The following SOX6 variants were observed in gnomAD, a reference collection of about 807,000 sequenced individuals.
SOX6 encodes transcription factor SOX-6.
SOX6 carries 11 observed loss-of-function variants against 97.8 expected under a neutral mutation model. The ratio of observed to expected loss-of-function variants is 0.11; its 90% CI spans 0.07 to 0.19. SOX6 has a LOEUF of 0.19. Among genes scored for constraint, SOX6 ranks in the 10% least tolerant of loss-of-function variants. The pLI, the probability that SOX6 is intolerant of heterozygous loss-of-function variation, is 1.00. For missense variants in SOX6, 810 were observed against 1,039.5 expected, an observed-to-expected ratio of 0.78 and a Z score of 3.04; for synonymous variants, 360 against 371.4, an observed-to-expected ratio of 0.97 and a Z score of 0.35.
intron 12 of SOX6, among the ~76,000 whole-genome samples, chr11:16,043,579 T>C (rs913124704): frequency 1.3e-5 from 2 of 152,178 alleles, no homozygotes; most frequent in Non-Finnish European, 2.9e-5. Context: ...TATGGACACA[T>C]ATATGATTCT....
chr11:16,598,650 A>T (rs1365166440), intron 4 of SOX6, among the ~76,000 whole-genome samples: 1 of 95,208 alleles, frequency 1.1e-5, no homozygotes, highest in Non-Finnish European at 2.3e-5. Flanking sequence ...TATGCTCTTT[A>T]AAAAAAAAAA....
At chr11:16,286,187 G>A (rs1377176186) in intron 3 of SOX6, among the ~76,000 whole-genome samples, 2 of 152,006 alleles carry the variant, frequency 1.3e-5, no homozygotes, top group African/African-American at 4.8e-5. Flanking sequence ...GATTTCCAGG[G>A]TCCACGGTGA....
In SOX6 at chr11:16,540,862, G is replaced by C. The variant is rs192726879; in HGVS notation, n.610-64474C>G. 3.7e-3 allele frequency among the ~76,000 whole-genome samples: 565 copies of C among 152,290 alleles called. 2 individuals are homozygous for C. Among genetic ancestry groups the C allele is most frequent in the African/African-American group, 0.012 (496 of 41,572 alleles). ...GAAGAACACTCCATGCTCATGGGTA[G>C]GAAGAATCAATATCGTGAAAATGGC... is the stretch of plus-strand genomic sequence containing the variant. On this transcript the variant is annotated intron_variant and non_coding_transcript_variant, in intron 4 of 5. Coordinates refer to the SOX6 transcript ENST00000524520.
chr11:16,706,611 G>C (rs1043250161), intron 3 of SOX6, among the ~76,000 whole-genome samples: 3 of 146,618 alleles, frequency 2.0e-5, no homozygotes, highest in African/African-American at 7.6e-5. Context: ...AAAATGAGAA[G>C]CAGAGAGGGG....
chr11:16,577,725 T>C (rs1847996516), intron 4 of SOX6, among the ~76,000 whole-genome samples: 1 of 152,208 alleles, frequency 6.6e-6, no homozygotes, highest in Admixed American at 6.5e-5. Context: ...TTGTAAATCG[T>C]ATTTGGAGAA....
At chr11:16,643,685 G>A (rs1461603046) in intron 3 of SOX6, among the ~76,000 whole-genome samples, 3 of 152,218 alleles carry the variant, frequency 2.0e-5, no homozygotes, top group East Asian at 1.9e-4. Context: ...CAATGAGTGA[G>A]GCTCCATGGG....
chr11:16,590,357 A>T (rs1372237860), intron 4 of SOX6, among the ~76,000 whole-genome samples: 1 of 152,182 alleles, frequency 6.6e-6, no homozygotes, highest in Non-Finnish European at 1.5e-5. Flanking sequence ...TTAAGAAAGA[A>T]AAATTTTTAA....
At chr11:16,006,139 G>A (rs1012593422) in intron 13 of SOX6, among the ~76,000 whole-genome samples, 1 of 151,942 alleles carries the variant, frequency 6.6e-6, no homozygotes, top group Non-Finnish European at 1.5e-5. Context: ...CACCTGCTAA[G>A]CTTTCTCATG....
intron 7 of SOX6, among the ~76,000 whole-genome samples, chr11:16,104,881 A>G (rs1437139777): frequency 6.6e-6 from 1 of 152,064 alleles, no homozygotes; most frequent in Admixed American, 6.6e-5. Context: ...ACAAGTAAAG[A>G]CAATGAATCA....
At chr11:16,128,302 A>G (rs1332925698) in intron 6 of SOX6, among the ~76,000 whole-genome samples, 1 of 152,218 alleles carries the variant, frequency 6.6e-6, no homozygotes, top group Admixed American at 6.5e-5. Context: ...TAAAAATGTA[A>G]TGATTATTTG....
At position 16,185,875 on chromosome 11, in the gene SOX6, C is replaced by G. The variant is rs553458056; in HGVS notation, c.708+908G>C. Among the ~76,000 whole-genome samples, 10 of 152,214 alleles carry G rather than the reference C, an allele frequency of 6.6e-5. No individual in the cohort carries two copies. In the South Asian group the frequency reaches 2.1e-3, roughly 32 times the overall value. ...CAAGCATATAAAATACCAGACATCACAACTCATTAAAATCAACAGAGCATA... is the reference window on the plus strand; with the variant it reads ...CAAGCATATAAAATACCAGACATCAGAACTCATTAAAATCAACAGAGCATA... On this transcript the variant is annotated intron_variant, in intron 5 of 15. Transcript: ENST00000683767.
chr11:16,443,649 T>G (rs952802032), intron 1 of SOX6, among the ~76,000 whole-genome samples: 7 of 152,170 alleles, frequency 4.6e-5, no homozygotes, highest in African/African-American at 1.4e-4. Flanking sequence ...TTGCTGGGGT[T>G]TGATGTACAA....
At chr11:16,601,735 A>G (rs570155798) in intron 4 of SOX6, among the ~76,000 whole-genome samples, 108 of 152,256 alleles carry the variant, frequency 7.1e-4, no homozygotes, top group African/African-American at 2.5e-3. Context: ...TATAAGATAG[A>G]CATGTGTAGC....
chr11:15,967,054 G>C lies in SOX6; in HGVS notation c.*5755C>G, dbSNP rs922468201. On this transcript the variant is annotated 3_prime_UTR_variant, in exon 16 of 16. Transcript: ENST00000683767. ...ACTGGACTGTACAAGATTTTTTTTT[G>C]ATAAACTATTTACATTTTCAGACTT... 8 of 151,708 alleles carry C rather than the reference G, an allele frequency of 5.3e-5. No individual in the cohort carries two copies. The highest frequency in any genetic ancestry group is 1.9e-4 in the African/African-American group (8 of 41,280). 9.4% of individuals were successfully genotyped at this position (151,708 alleles called of 1,614,324 possible).
Position 16,320,431 on chromosome 11 carries a change from A to T in SOX6, c.238-1778T>A, listed in dbSNP as rs147550030. On this transcript the variant is annotated intron_variant, in intron 2 of 15. Transcript: ENST00000683767. ...ATGACATAATAATTGTACTCAACAA[A>T]TGCTAGGTATTTCGGATTATTGTCA... 5.9e-5 allele frequency among the ~76,000 whole-genome samples: 9 copies of T among 152,278 alleles called. No homozygotes were observed. In the East Asian group the frequency reaches 1.7e-3, roughly 29 times the overall value.
chr11:16,311,894 GAAAT>G (rs1040539165), intron 3 of SOX6: 1 of 152,066 alleles, frequency 6.6e-6, no homozygotes, highest in Non-Finnish European at 1.5e-5. Context: ...AATATATGTA[GAAAT>G]ACAAATGATT....
intron 4 of SOX6, among the ~76,000 whole-genome samples, chr11:16,504,146 T>C (rs1860749415): frequency 2.6e-5 from 4 of 151,962 alleles, no homozygotes; most frequent in South Asian, 2.1e-4. Flanking sequence ...AAAGCAAATA[T>C]GAATAGATCT....
chr11:16,225,519 T>C (rs923052489), intron 4 of SOX6, among the ~76,000 whole-genome samples: 5 of 146,752 alleles, frequency 3.4e-5, no homozygotes, highest in Non-Finnish European at 6.0e-5. Flanking sequence ...GAAAAGGCAA[T>C]GCATGGAATA....
intron 13 of SOX6, among the ~76,000 whole-genome samples, chr11:16,003,680 C>T (rs1230979859): frequency 6.6e-6 from 1 of 151,978 alleles, no homozygotes; most frequent in Non-Finnish European, 1.5e-5. Context: ...GTCTCTAATG[C>T]CCACATGTTC....
Sources: allele counts gnomAD v4.1 joint callset (sites outside exome capture counted in the v4.1 genomes callset), GRCh38; gene constraint gnomAD v4.1.1; transcripts MANE v1.5; gene names NCBI Gene and HGNC (gene_info 2026-07-23, HGNC 2026-07-21).